Variants in CEP83 observed in about 807,000 individuals in gnomAD.
CEP83 encodes the protein centrosomal protein 83.
A neutral mutation model predicts 101.9 loss-of-function variants in CEP83; 70 were observed. The ratio of observed to expected loss-of-function variants is 0.69; its 90% CI spans 0.57 to 0.84. The LOEUF is 0.84. Ranked by LOEUF, CEP83 falls within the 40% of genes least tolerant of loss-of-function variation. CEP83 has a pLI of 0.00. For synonymous variants in CEP83, 264 were observed against 267.9 expected (o/e 0.99, Z 0.14); for missense variants, 715 against 787.2 (o/e 0.91, Z 1.10).
intron 15 of CEP83, 183 bp downstream of exon 15, chr12:94,312,731 T>C: frequency 1.3e-5 from 13 of 985,310 alleles, no homozygotes; most frequent in Non-Finnish European, 1.6e-5. Flanking sequence ...ACAGAGACCT[T>C]TTGGTTTAAA....
intron 14 of CEP83, among the ~76,000 whole-genome samples, chr12:94,323,620 T>C (rs1022619982): frequency 2.0e-5 from 3 of 152,198 alleles, no homozygotes; most frequent in African/African-American, 7.2e-5. Context: ...TTTCTCTCCA[T>C]GAAAGTGGCA....
At chr12:94,316,669 T>C (rs929058861) in intron 14 of CEP83, among the ~76,000 whole-genome samples, 1 of 152,162 alleles carries the variant, frequency 6.6e-6, no homozygotes, top group African/African-American at 2.4e-5. Flanking sequence ...AATGAAAACA[T>C]GCAGTATTCG....
chr12:94,363,103 G>A (rs1462868208), intron 11 of CEP83, among the ~76,000 whole-genome samples: 1 of 152,174 alleles, frequency 6.6e-6, no homozygotes, highest in Non-Finnish European at 1.5e-5. Flanking sequence ...ATAATTTCTG[G>A]TGTTCTACAG....
At chr12:94,384,246 C>G (rs2062008289) in intron 6 of CEP83, among the ~76,000 whole-genome samples, 1 of 152,188 alleles carries the variant, frequency 6.6e-6, no homozygotes, top group Admixed American at 6.5e-5. Flanking sequence ...CCTTATCTTT[C>G]AGCACTTGAT....
chr12:94,380,889 T>C (rs1026287046), intron 6 of CEP83, among the ~76,000 whole-genome samples: 13 of 152,232 alleles, frequency 8.5e-5, no homozygotes, highest in Non-Finnish European at 1.5e-4. Flanking sequence ...ATCTGTGTGA[T>C]AGCTGAAGTG....
At chr12:94,399,374 A>G (rs948824477) in intron 6 of CEP83, among the ~76,000 whole-genome samples, 5 of 152,328 alleles carry the variant, frequency 3.3e-5, no homozygotes, top group South Asian at 2.1e-4. Flanking sequence ...GGTTCCCCCA[A>G]TAAATTCACT....
chr12:94,452,529 C>G (rs796697755), intron 1 of CEP83, among the ~76,000 whole-genome samples: 20 of 152,168 alleles, frequency 1.3e-4, no homozygotes, highest in African/African-American at 4.3e-4. Flanking sequence ...CCACCTATCT[C>G]CAGACTTCTT....
chr12:94,426,396 T>C (rs2065203593), intron 2 of CEP83, among the ~76,000 whole-genome samples: 2 of 152,202 alleles, frequency 1.3e-5, no homozygotes, highest in Admixed American at 6.5e-5. Context: ...CATTTTAGTA[T>C]ATACAACACA....
At chr12:94,392,659 T>C (rs927594638) in intron 6 of CEP83, among the ~76,000 whole-genome samples, 5 of 152,068 alleles carry the variant, frequency 3.3e-5, no homozygotes, top group Non-Finnish European at 5.9e-5. Context: ...TTGAAAGAGA[T>C]AGAGACACAA....
intron 2 of CEP83, chr12:94,433,957 T>G (rs1306843226): frequency 6.6e-6 from 1 of 152,218 alleles, no homozygotes; most frequent in Non-Finnish European, 1.5e-5. Context: ...AAATGAATCT[T>G]AGTAAACTGC....
chr12:94,286,713 T>C, the CEP83 span, among the ~76,000 whole-genome samples: 1 of 151,536 alleles, frequency 6.6e-6, no homozygotes, highest in Non-Finnish European at 1.5e-5. Context: ...TTAGTCCACA[T>C]TAGTTAGGTT....
chr12:94,451,692 T>C lies in CEP83; in HGVS notation c.-155+7865A>G, dbSNP rs552686353. Among the ~76,000 whole-genome samples the C allele has an allele frequency of 6.4e-4, 97 of 152,268 alleles. 1 individual carries two copies. The South Asian group carries it at 0.019, about 30-fold the overall frequency. On this transcript the variant is annotated intron_variant, in intron 1 of 16. Transcript: ENST00000397809. Reference sequence around the variant, plus strand: ...GTGGAGAAACTGGAATCATCATACATTGCTGGTAGGATGTAATTGGTACAG... The same window carrying C: ...GTGGAGAAACTGGAATCATCATACACTGCTGGTAGGATGTAATTGGTACAG...
Position 94,446,085 on chromosome 12 carries a change from T to C in CEP83, c.-154-10758A>G, listed in dbSNP as rs560891611. Among the ~76,000 whole-genome samples the C allele has an allele frequency of 1.4e-4, 21 of 152,344 alleles. No individual in the cohort carries two copies. In the East Asian group the frequency reaches 4.0e-3, roughly 29 times the overall value. ...TTTTGAACTGCATGATAGTAAGAGGTGTCCCTTATATTTTTTGCTTTGCAA... is the reference window on the plus strand; with the variant it reads ...TTTTGAACTGCATGATAGTAAGAGGCGTCCCTTATATTTTTTGCTTTGCAA... On this transcript the variant is annotated intron_variant, in intron 1 of 16. Coordinates refer to ENST00000397809, the MANE Select transcript of CEP83 (RefSeq NM_016122.3).
rs1181125525 is a variant in CEP83, at chr12:94,435,269, T to C, written c.-102+6A>G. The C allele has an allele frequency of 6.6e-6, 1 of 152,238 alleles. No individual in the cohort carries two copies. Among genetic ancestry groups the C allele is most frequent in the Non-Finnish European group, 1.5e-5 (1 of 68,054 alleles). 9.4% of individuals were successfully genotyped at this position (152,238 alleles called of 1,614,324 possible). A position where few individuals can be genotyped will look rare whatever the true frequency, so the allele number is the denominator to read the frequency against. ...AAAAAAGCAGAAGCAAGAAGGTTTATCTCACCTTCCTCTAAAGTAGGTCAT... is the reference window on the plus strand; with the variant it reads ...AAAAAAGCAGAAGCAAGAAGGTTTACCTCACCTTCCTCTAAAGTAGGTCAT... On this transcript the variant is annotated splice_donor_region_variant and intron_variant, in intron 2 of 16. Transcript: ENST00000397809.
chr12:94,344,252 T>C (rs904316682), intron 11 of CEP83, among the ~76,000 whole-genome samples: 3 of 152,220 alleles, frequency 2.0e-5, no homozygotes, highest in Admixed American at 6.5e-5. Context: ...ATTAGTGAAT[T>C]TCTTTAAAAA....
chr12:94,298,913 T>G, the CEP83 span: 2 of 979,552 alleles, frequency 2.0e-6, no homozygotes, highest in Non-Finnish European at 3.0e-6. Flanking sequence ...ATCTTTGGGC[T>G]TGGTAAGCTA....
In CEP83 at chr12:94,333,827, T is replaced by C. The variant is rs968009093; in HGVS notation, c.1420-188A>G. ...AGCATTTCTTATTATAATCAGAGAC[T>C]ATCAAGAACTATATTCCTCAGTCAC... On this transcript the variant is annotated intron_variant, in intron 12 of 16. Transcript: ENST00000397809. Among the ~76,000 whole-genome samples the C allele has an allele frequency of 5.3e-5, 8 of 152,254 alleles. No homozygotes were observed. In the East Asian group the frequency reaches 1.2e-3, roughly 22 times the overall value.
chr12:94,452,602 G>A (rs1342469089), intron 1 of CEP83, among the ~76,000 whole-genome samples: 1 of 152,008 alleles, frequency 6.6e-6, no homozygotes, highest in Non-Finnish European at 1.5e-5. Context: ...AAAGAATAAC[G>A]TTGCTAATTC....
chr12:94,354,033 T>C (rs1332213172), intron 11 of CEP83, among the ~76,000 whole-genome samples: 1 of 152,084 alleles, frequency 6.6e-6, no homozygotes, highest in Non-Finnish European at 1.5e-5. Flanking sequence ...TAGACACCAA[T>C]GCAATAATAG....
Sources: allele counts gnomAD v4.1 joint callset (sites outside exome capture counted in the v4.1 genomes callset), GRCh38; gene constraint gnomAD v4.1.1; transcripts MANE v1.5; gene names NCBI Gene and HGNC (gene_info 2026-07-23, HGNC 2026-07-21).